SFMBT2: variants seen among roughly 807,000 people sequenced by gnomAD.
SFMBT2 encodes the protein scm-like with four MBT domains protein 2.
A neutral mutation model predicts 110.1 loss-of-function variants in SFMBT2; 38 were observed. The observed-to-expected ratio is 0.35, with a 90% CI of 0.27 to 0.45. The LOEUF is 0.45. Among genes scored for constraint, SFMBT2 ranks in the 20% least tolerant of loss-of-function variants. The probability of loss-of-function intolerance (pLI) is 1.00; values close to 1 mark genes in which losing one functional copy is unlikely to be tolerated. For missense variants in SFMBT2, 1,011 were observed against 1,094.9 expected (o/e 0.92, Z 1.08); for synonymous variants, 425 against 425.4 (o/e 1.00, Z 0.01).
At chr10:7,215,591 A>T in intron 11 of SFMBT2, 2 of 985,388 alleles carry the variant, frequency 2.0e-6, no homozygotes, top group Non-Finnish European at 2.4e-6. Flanking sequence ...CTCCCTAGGC[A>T]ATCAGAACCT....
At position 7,176,319 on chromosome 10, in the gene SFMBT2, G is replaced by A. The variant is rs547877381; in HGVS notation, c.1809-154C>T. 3.9e-5 allele frequency among the ~76,000 whole-genome samples: 6 copies of A among 152,302 alleles called. No homozygotes were observed. The East Asian group carries it at 1.2e-3, about 29-fold the overall frequency. ...TGTTGCTTCTGTTATTTCTCACAGA[G>A]ATATTTATAAGAAGTGCTCACTAGT... is the stretch of plus-strand genomic sequence containing the variant. On this transcript the variant is annotated intron_variant, in intron 16 of 20. Transcript: ENST00000397167.
chr10:7,376,672 C>G (rs1183760954), intron 2 of SFMBT2, among the ~76,000 whole-genome samples: 1 of 110,910 alleles, frequency 9.0e-6, no homozygotes, highest in Non-Finnish European at 1.7e-5. Flanking sequence ...GCACTGCAGC[C>G]TGGGTGACAG....
rs143737741 is a variant in SFMBT2, at chr10:7,375,288, C to T, written c.101-4913G>A. 3.3e-5 allele frequency among the ~76,000 whole-genome samples: 5 copies of T among 152,190 alleles called. No homozygotes were observed. The East Asian group carries it at 9.7e-4, about 29-fold the overall frequency. ...TGAAAAATGGAATAAACAAACGGCC[C>T]ATACATCTTTGTTTAAGGAATAAAA... On this transcript the variant is annotated intron_variant, in intron 2 of 20. Transcript: ENST00000397167.
chr10:7,280,690 C>T (rs752903687), intron 6 of SFMBT2, among the ~76,000 whole-genome samples: 21 of 152,122 alleles, frequency 1.4e-4, no homozygotes, highest in Non-Finnish European at 2.2e-4. Flanking sequence ...ACTCAGCAGC[C>T]CAGCAAGATA....
chr10:7,347,619 CA>C (rs769513519), intron 4 of SFMBT2, among the ~76,000 whole-genome samples: 1 of 152,144 alleles, frequency 6.6e-6, no homozygotes, highest in Non-Finnish European at 1.5e-5. Flanking sequence ...ACATAGTATT[CA>C]CATGTAGGTA....
At position 7,376,131 on chromosome 10, in the gene SFMBT2, T is replaced by C. The variant is rs1320066398; in HGVS notation, c.100+5668A>G. ...GTAAAAAGAATGTCAAGGAATCTAC[T>C]GAACACTGTGTCAGCATATTGTTCT... On this transcript the variant is annotated intron_variant, in intron 2 of 20. Transcript: ENST00000397167. 5.3e-5 allele frequency among the ~76,000 whole-genome samples: 8 copies of C among 152,176 alleles called. No individual in the cohort carries two copies. The East Asian group carries it at 1.5e-3, about 29-fold the overall frequency.
intron 9 of SFMBT2, among the ~76,000 whole-genome samples, chr10:7,229,377 A>G (rs1382954507): frequency 1.3e-5 from 2 of 152,064 alleles, no homozygotes; most frequent in Non-Finnish European, 2.9e-5. Context: ...TCAGCAGTTC[A>G]AGACCAGCCT....
At chr10:7,315,108 GAAAA>G (rs869110068) in intron 4 of SFMBT2, among the ~76,000 whole-genome samples, 438 of 132,824 alleles carry the variant, frequency 3.3e-3, no homozygotes, top group Middle Eastern at 0.015. Context: ...AAGAAAGAAA[GAAAA>G]AGCAAGCAAG....
At chr10:7,393,290 C>G (rs966903005) in intron 1 of SFMBT2, among the ~76,000 whole-genome samples, 1 of 151,992 alleles carries the variant, frequency 6.6e-6, no homozygotes, top group African/African-American at 2.4e-5. Context: ...CTTGGCCTCC[C>G]AAAGTGCTGG....
rs372500468 is a variant in SFMBT2, at chr10:7,229,154, TG to T, written c.1121-1218del. ...AAGTAAATCTCTAAGAGATTTCTTATGTTTTTTTATCCAAATCCCCCAGTTT... is the reference window on the plus strand; with the variant it reads ...AAGTAAATCTCTAAGAGATTTCTTATTTTTTTTATCCAAATCCCCCAGTTT... On this transcript the variant is annotated intron_variant, in intron 9 of 20. Transcript: ENST00000397167. 3.0e-3 allele frequency among the ~76,000 whole-genome samples: 460 copies of T among 152,324 alleles called. 6 individuals carry two copies. Among genetic ancestry groups the T allele is most frequent in the African/African-American group, 0.01 (428 of 41,582 alleles).
At chr10:7,183,834 T>A (rs1411996742) in intron 16 of SFMBT2, among the ~76,000 whole-genome samples, 3 of 152,188 alleles carry the variant, frequency 2.0e-5, no homozygotes, top group Non-Finnish European at 2.9e-5. Context: ...TGCTCCCAGC[T>A]CCCTTTCCCG....
chr10:7,243,421 AT>A, intron 9 of SFMBT2, 136 bp downstream of exon 9: 7 of 664,398 alleles, frequency 1.1e-5, no homozygotes, highest in Non-Finnish European at 1.6e-5. Context: ...TGTCAAGCTG[AT>A]GAAGAACGCC....
At chr10:7,273,163 A>C (rs1841653669) in intron 7 of SFMBT2, among the ~76,000 whole-genome samples, 1 of 152,262 alleles carries the variant, frequency 6.6e-6, no homozygotes. Context: ...AACTATCAAT[A>C]AAGTATATGG....
At chr10:7,255,115 T>C (rs1840954480) in intron 7 of SFMBT2, among the ~76,000 whole-genome samples, 1 of 152,156 alleles carries the variant, frequency 6.6e-6, no homozygotes, top group South Asian at 2.1e-4. Context: ...CCCAGACCAC[T>C]TACTTTGGGC....
At chr10:7,197,067 C>T (rs374654058) in intron 15 of SFMBT2, among the ~76,000 whole-genome samples, 16 of 152,160 alleles carry the variant, frequency 1.1e-4, no homozygotes, top group South Asian at 6.2e-4. Context: ...CTCCCGTGTG[C>T]AGGTACCAGG....
chr10:7,159,373 T>C lies in SFMBT2; in HGVS notation c.*4397A>G, dbSNP rs1477998876. Reference sequence around the variant, plus strand: ...TGATTTTATCATAGTATGTTTGGGGTATCTGCAAACCATTCTAGTGATAGA... The same window carrying C: ...TGATTTTATCATAGTATGTTTGGGGCATCTGCAAACCATTCTAGTGATAGA... On this transcript the variant is annotated 3_prime_UTR_variant, in exon 21 of 21. Coordinates refer to ENST00000397167, the MANE Select transcript of SFMBT2 (RefSeq NM_001387889.1). 1 of 152,202 alleles carries C rather than the reference T, an allele frequency of 6.6e-6. No individual in the cohort carries two copies. The highest frequency in any genetic ancestry group is 1.5e-5 in the Non-Finnish European group (1 of 68,024). 9.4% of individuals were successfully genotyped at this position (152,202 alleles called of 1,614,324 possible). A position where few individuals can be genotyped will look rare whatever the true frequency, so the allele number is the denominator to read the frequency against.
At chr10:7,343,918 T>A (rs970878599) in intron 4 of SFMBT2, among the ~76,000 whole-genome samples, 1 of 152,196 alleles carries the variant, frequency 6.6e-6, no homozygotes, top group Non-Finnish European at 1.5e-5. Flanking sequence ...TTGGATAACA[T>A]CTCCTGAGAG....
intron 10 of SFMBT2, among the ~76,000 whole-genome samples, chr10:7,225,689 A>G (rs1196969176): frequency 6.6e-6 from 1 of 152,204 alleles, no homozygotes; most frequent in Non-Finnish European, 1.5e-5. Flanking sequence ...CAGAGGACTG[A>G]TAAAAAGAAG....
chr10:7,202,856 T>G (rs1248756400), intron 12 of SFMBT2: 4 of 985,318 alleles, frequency 4.1e-6, no homozygotes, highest in Non-Finnish European at 3.6e-6. Flanking sequence ...TTGCAAGCAG[T>G]TATCCGGAAT....
Sources: allele counts gnomAD v4.1 joint callset (sites outside exome capture counted in the v4.1 genomes callset), GRCh38; gene constraint gnomAD v4.1.1; transcripts MANE v1.5; gene names NCBI Gene and HGNC (gene_info 2026-07-23, HGNC 2026-07-21).